TRPC1: variants seen among roughly 807,000 people sequenced by gnomAD.
The protein encoded by TRPC1 is short transient receptor potential channel 1.
In TRPC1, 42 loss-of-function variants were observed where a neutral mutation model predicts 88.2. The ratio of observed to expected loss-of-function variants is 0.48; its 90% CI spans 0.37 to 0.62. The LOEUF is 0.62. Ranked by LOEUF, TRPC1 falls within the 20% of genes least tolerant of loss-of-function variation. The probability of loss-of-function intolerance (pLI) is 0.00; values close to 1 mark genes in which losing one functional copy is unlikely to be tolerated. For synonymous variants in TRPC1, 288 were observed against 331.8 expected (o/e 0.87, Z 1.43); for missense variants, 699 against 957.3 (o/e 0.73, Z 3.56).
chr3:142,785,760 A>C (rs1365348396), intron 7 of TRPC1, among the ~76,000 whole-genome samples: 1 of 152,116 alleles, frequency 6.6e-6, no homozygotes, highest in Non-Finnish European at 1.5e-5. Flanking sequence ...CAGCCTCCCA[A>C]AGTGCTGGGA....
At chr3:142,784,597 A>C in intron 6 of TRPC1, 107 bp from the exon 7 acceptor site, 1 of 882,452 alleles carries the variant, frequency 1.1e-6, no homozygotes, top group Non-Finnish European at 1.7e-6. Context: ...AATGTATAGA[A>C]TTGATTTTTA....
intron 1 of TRPC1, among the ~76,000 whole-genome samples, chr3:142,728,608 A>C (rs540975726): frequency 3.3e-4 from 50 of 152,300 alleles, no homozygotes; most frequent in Middle Eastern, 3.4e-3. Context: ...GGCGTGGGCC[A>C]CCGTGCCTGG....
intron 3 of TRPC1, among the ~76,000 whole-genome samples, chr3:142,744,381 C>T (rs1934465140): frequency 6.6e-6 from 1 of 152,080 alleles, no homozygotes; most frequent in Non-Finnish European, 1.5e-5. Flanking sequence ...TAACTTAGTG[C>T]TTTCTCCTCT....
rs1034709389 is a variant in TRPC1 at position 142,724,423 on chromosome 3, A to G, written c.-137A>G. 8.7e-6 allele frequency: 7 copies of G among 803,510 alleles called. No individual in the cohort carries two copies. The highest frequency in any genetic ancestry group is 1.8e-5 in the African/African-American group (1 of 54,346). The allele number at this position is 803,510 out of a possible 1,614,324, so 49.8% of individuals were successfully genotyped here. ...GGGGAGGCGACGCCCTTCGGGGCCA[A>G]CGGGCCTCGAGCCGAGGCAGCAGTG... On this transcript the variant is annotated 5_prime_UTR_variant, in exon 1 of 13. Transcript: ENST00000476941. This position sits in a 1 kb window ranked among gnomAD's most constrained non-coding sequence, Gnocchi z 5.6.
chr3:142,791,849 T>G (rs1411866029), intron 8 of TRPC1, among the ~76,000 whole-genome samples: 1 of 152,046 alleles, frequency 6.6e-6, no homozygotes, highest in Admixed American at 6.6e-5. Context: ...AAATCTACCC[T>G]TATAGATAAC....
At chr3:142,730,451 A>G (rs1466345223) in intron 1 of TRPC1, among the ~76,000 whole-genome samples, 4 of 152,158 alleles carry the variant, frequency 2.6e-5, no homozygotes. Flanking sequence ...AAAGTGTTAT[A>G]AACAGTTTAG....
At chr3:142,766,027 A>G (rs1269475665) in intron 4 of TRPC1, among the ~76,000 whole-genome samples, 1 of 151,648 alleles carries the variant, frequency 6.6e-6, no homozygotes, top group East Asian at 1.9e-4. Context: ...CAGAATGTCT[A>G]TTAAGAAGTA....
intron 1 of TRPC1, among the ~76,000 whole-genome samples, chr3:142,730,360 T>G (rs537095682): frequency 6.6e-6 from 1 of 152,284 alleles, no homozygotes; most frequent in South Asian, 2.1e-4. Flanking sequence ...CAAATGATAT[T>G]CATTATTATT....
At chr3:142,730,136 T>A (rs1040483189) in intron 1 of TRPC1, among the ~76,000 whole-genome samples, 2 of 152,154 alleles carry the variant, frequency 1.3e-5, no homozygotes, top group African/African-American at 4.8e-5. Context: ...AAACTAAGTT[T>A]TAAACAACTT....
At chr3:142,746,588 A>G (rs1269727796) in intron 3 of TRPC1, among the ~76,000 whole-genome samples, 2 of 152,200 alleles carry the variant, frequency 1.3e-5, no homozygotes. Flanking sequence ...AAAATATTAA[A>G]ACTTACCAGT....
chr3:142,788,350 T>C (rs1936194713), intron 7 of TRPC1, among the ~76,000 whole-genome samples: 1 of 152,060 alleles, frequency 6.6e-6, no homozygotes, highest in African/African-American at 2.4e-5. Flanking sequence ...ACTTCAGAGA[T>C]ATTTATAATG....
intron 9 of TRPC1, among the ~76,000 whole-genome samples, chr3:142,798,534 C>T (rs1298956886): frequency 1.3e-5 from 2 of 152,180 alleles, no homozygotes; most frequent in Non-Finnish European, 2.9e-5. Flanking sequence ...GATGAGAAGC[C>T]TGCCTGGCAA....
At chr3:142,793,800 G>A in intron 9 of TRPC1, 1 of 918,358 alleles carries the variant, frequency 1.1e-6, no homozygotes, top group African/African-American at 1.8e-5. Flanking sequence ...TTTTAAAGGT[G>A]ATATTTTAAA....
Position 142,724,746 on chromosome 3 carries a change from C to T in TRPC1, c.172+15C>T. On this transcript the variant is annotated intron_variant, in intron 1 of 12. Transcript: ENST00000476941. This position sits in a 1 kb window ranked among gnomAD's most constrained non-coding sequence, Gnocchi z 5.6. ...GTGCGACAAGGGTGAGAGTTAGGCC[C>T]CTTTCTCCTCTGGACGCCCCTGTCC... is the stretch of plus-strand genomic sequence containing the variant. 1.9e-6 allele frequency: 3 copies of T among 1,552,136 alleles called. No individual in the cohort carries two copies. The highest frequency in any genetic ancestry group is 1.2e-5 in the South Asian group (1 of 84,096).
chr3:142,755,366 G>A (rs927716945), intron 4 of TRPC1, among the ~76,000 whole-genome samples: 24 of 151,966 alleles, frequency 1.6e-4, no homozygotes, highest in African/African-American at 5.3e-4. Context: ...CAGAGGTTGC[G>A]GTGAGTCAAG....
At chr3:142,779,587 A>G (rs1199082909) in intron 5 of TRPC1, among the ~76,000 whole-genome samples, 1 of 152,192 alleles carries the variant, frequency 6.6e-6, no homozygotes, top group Non-Finnish European at 1.5e-5. Flanking sequence ...TTTTGACTAC[A>G]TAGAATGTAT....
chr3:142,802,156 A>T lies in TRPC1; in HGVS notation c.1582-13A>T, dbSNP rs572010445. The T allele has an allele frequency of 2.6e-6, 4 of 1,520,532 alleles. No homozygotes were observed. The South Asian group carries it at 5.6e-5, about 21-fold the overall frequency. The allele number at this position is 1,520,532 out of a possible 1,614,324, so 94.2% of individuals were successfully genotyped here. A position where few individuals can be genotyped will look rare whatever the true frequency, so the allele number is the denominator to read the frequency against. On this transcript the variant is annotated splice_polypyrimidine_tract_variant and intron_variant, in intron 9 of 12. Transcript: ENST00000476941. ...GATAATCTTAATGAACACCTGTGTA[A>T]TATATTCCACAGATTTCAATGGGAC... is the stretch of plus-strand genomic sequence containing the variant.
chr3:142,800,093 A>G (rs148651966), intron 9 of TRPC1, among the ~76,000 whole-genome samples: 3,205 of 152,258 alleles, frequency 0.021, 69 homozygotes, highest in Non-Finnish European at 0.026. Context: ...TGAGTTCTGT[A>G]CTGAGATGGT....
Position 142,792,946 on chromosome 3 carries a change from C to T in TRPC1, c.1560C>T (p.Ser520=). The part of the protein sequence containing the change: ...YLRLFFMYTT[S]SILGPLQISM... ...GTCTCTTTTTTATGTATACAACCAG[C>T]TCTATCTTGGGTCCATTACAGGTAA... The change falls in exon 9 of 13, where the codon AGC becomes AGT. Residue 520 remains serine (S), a synonymous_variant. Coordinates refer to ENST00000476941, the MANE Select transcript of TRPC1 (RefSeq NM_001251845.2). This position sits in a 1 kb window ranked among gnomAD's most constrained non-coding sequence, Gnocchi z 4.0. 6.2e-7 allele frequency: 1 copy of T among 1,601,132 alleles called. No homozygotes were observed.
Sources: allele counts gnomAD v4.1 joint callset (sites outside exome capture counted in the v4.1 genomes callset), GRCh38; gene constraint gnomAD v4.1.1; non-coding constraint Gnocchi (gnomAD v3.1); transcripts MANE v1.5; gene names NCBI Gene and HGNC (gene_info 2026-07-23, HGNC 2026-07-21).